The following USH2A variants were observed in gnomAD, a reference collection of about 807,000 sequenced individuals.
The protein encoded by USH2A is Usher syndrome 2A (autosomal recessive, mild).
In USH2A, 443 loss-of-function variants were observed where a neutral mutation model predicts 538.9. The ratio of observed to expected loss-of-function variants is 0.82; its 90% CI spans 0.76 to 0.89. The LOEUF (loss-of-function observed/expected upper bound fraction) is 0.89, where lower values mean the gene tolerates loss of function less well. USH2A is among the 40% of genes least tolerant of loss of function. The pLI is 0.00. For synonymous variants in USH2A, 2,413 were observed against 2,273.5 expected, an observed-to-expected ratio of 1.06 and a Z score of -1.75; for missense variants, 6,633 against 6,324.8, an observed-to-expected ratio of 1.05 and a Z score of -1.65.
intron 61 of USH2A, among the ~76,000 whole-genome samples, chr1:215,689,874 ACAAAAGG>A (rs1658547219): frequency 6.6e-6 from 1 of 152,250 alleles, no homozygotes; most frequent in Admixed American, 6.5e-5. Flanking sequence ...GAGACCTCGA[ACAAAAGG>A]CCTGAGACTC....
rs576699675 is a variant in USH2A at position 215,723,997 on chromosome 1, G to A, written c.12066+4033C>T. ...ATACCTGCATTCGTATGTGTATTAC[G>A]GCACTATTCACAATAGCAAAGATAT... On this transcript the variant is annotated intron_variant, in intron 61 of 71. Coordinates refer to ENST00000307340, the MANE Select transcript of USH2A (RefSeq NM_206933.4). Among the ~76,000 whole-genome samples, 38 of 152,098 alleles carry A rather than the reference G, an allele frequency of 2.5e-4. 1 individual carries two copies. The South Asian group carries it at 5.4e-3, about 22-fold the overall frequency.
At chr1:216,357,816 T>G (rs1267153853) in intron 4 of USH2A, among the ~76,000 whole-genome samples, 1 of 152,154 alleles carries the variant, frequency 6.6e-6, no homozygotes, top group Admixed American at 6.6e-5. Context: ...GTATGGTTTA[T>G]TACCACGATG....
chr1:215,763,051 T>C (rs1296017513), intron 56 of USH2A, among the ~76,000 whole-genome samples: 2 of 152,282 alleles, frequency 1.3e-5, no homozygotes, highest in Non-Finnish European at 2.9e-5. Flanking sequence ...TGAAATCTGG[T>C]GATAGGAACA....
rs966154968 is a variant in USH2A, at chr1:216,186,088, A to T, written c.4396+4135T>A. Among the ~76,000 whole-genome samples the T allele has an allele frequency of 1.3e-4, 20 of 152,022 alleles. 1 individual carries two copies. The highest frequency in any genetic ancestry group is 4.8e-4 in the African/African-American group (20 of 41,540). ...AAAATATATTAAGGAATTAGAAAAT[A>T]AACATTTTTTCCAGAAAAAAACAAA... On this transcript the variant is annotated intron_variant, in intron 20 of 71. Transcript: ENST00000307340.
intron 21 of USH2A, chr1:216,174,408 C>A (rs2034332317): frequency 1.0e-6 from 1 of 985,120 alleles, no homozygotes; most frequent in Middle Eastern, 5.2e-4. Context: ...AGCTGTAAGT[C>A]ACAGAGGTCA....
At chr1:215,840,743 G>T (rs951306746) in intron 46 of USH2A, among the ~76,000 whole-genome samples, 3 of 152,182 alleles carry the variant, frequency 2.0e-5, no homozygotes, top group Non-Finnish European at 2.9e-5. Context: ...TCGAGTCTTG[G>T]TAAAGCAAAT....
intron 33 of USH2A, 117 bp downstream of exon 33, chr1:216,000,286 A>G: frequency 7.2e-7 from 1 of 1,381,200 alleles, no homozygotes; most frequent in Non-Finnish European, 1.0e-6. Flanking sequence ...TGAACTAATC[A>G]CTTCTATGCA....
At chr1:216,384,272 C>A (rs1364860809) in intron 3 of USH2A, among the ~76,000 whole-genome samples, 1 of 151,154 alleles carries the variant, frequency 6.6e-6, no homozygotes, top group Non-Finnish European at 1.5e-5. Flanking sequence ...AAATGCAGAC[C>A]CCTTTATTTA....
chr1:216,334,798 A>T (rs75337700), intron 4 of USH2A, among the ~76,000 whole-genome samples: 2,995 of 152,024 alleles, frequency 0.02, 104 homozygotes, highest in African/African-American at 0.069. Context: ...GTCTAACAAC[A>T]GTAAAATGAC....
At chr1:216,323,784 A>T (rs948757094) in intron 7 of USH2A, 89 bp from the exon 8 acceptor site, 1 of 1,200,042 alleles carries the variant, frequency 8.3e-7, no homozygotes, top group Non-Finnish European at 1.2e-6. Flanking sequence ...ACTACACAGT[A>T]TCAATAAAAG....
chr1:216,337,236 T>C (rs2037991280), intron 4 of USH2A, among the ~76,000 whole-genome samples: 1 of 151,424 alleles, frequency 6.6e-6, no homozygotes, highest in African/African-American at 2.4e-5. Flanking sequence ...CTGTGTGCTT[T>C]ATGTATATTA....
chr1:215,974,178 C>T (rs868551486), intron 35 of USH2A, among the ~76,000 whole-genome samples: 18 of 151,946 alleles, frequency 1.2e-4, no homozygotes, highest in Non-Finnish European at 2.2e-4. Context: ...TTTTAATAAG[C>T]GGTAAGTCTA....
chr1:215,670,791 G>T (rs1222644735), intron 64 of USH2A, among the ~76,000 whole-genome samples, 181 bp downstream of exon 64: 2 of 152,012 alleles, frequency 1.3e-5, no homozygotes, highest in Non-Finnish European at 2.9e-5. Flanking sequence ...CCAAGAAAAT[G>T]AAAAAGGCAA....
intron 35 of USH2A, among the ~76,000 whole-genome samples, chr1:215,986,310 CTTTTT>C (rs34962559): frequency 6.2e-4 from 82 of 131,430 alleles, no homozygotes; most frequent in Middle Eastern, 4.1e-3. Flanking sequence ...TTTTCTTTTT[CTTTTT>C]TTTTTTTTTT....
At chr1:216,216,344 T>C (rs969933308) in intron 15 of USH2A, among the ~76,000 whole-genome samples, 1 of 152,068 alleles carries the variant, frequency 6.6e-6, no homozygotes, top group East Asian at 1.9e-4. Context: ...TATGAATACG[T>C]CTTCTTAATC....
rs373171233 is a variant in USH2A at position 215,934,658 on chromosome 1, T to C, written c.7258A>G (p.Ser2420Gly). 5 of 1,612,606 alleles carry C rather than the reference T, an allele frequency of 3.1e-6. No individual in the cohort carries two copies. Among genetic ancestry groups the C allele is most frequent in the African/African-American group, 1.3e-5 (1 of 74,838 alleles). ...VQVNISNSQG[S>G]LITDPITIAM... The stretch of plus-strand genomic sequence containing the variant: ...ATTGTTATAGGATCAGTTATCAAGC[T>C]GCCTTGGCTATTTGAAATATTCACT... The change falls in exon 38 of 72, where the codon AGC becomes GGC. Residue 2420 changes from serine (S) to glycine (G), a missense_variant. Ser to Gly is a moderately conservative substitution (Grantham distance 56, BLOSUM62 0). Coordinates refer to ENST00000307340, the MANE Select transcript of USH2A (RefSeq NM_206933.4).
chr1:216,362,939 C>CAA (rs199874021), intron 4 of USH2A, among the ~76,000 whole-genome samples: 6 of 134,052 alleles, frequency 4.5e-5, no homozygotes, highest in African/African-American at 1.7e-4. Flanking sequence ...AACTCCCTGT[C>CAA]AAAAAAAAAT....
intron 32 of USH2A, among the ~76,000 whole-genome samples, chr1:216,018,532 C>T (rs1668770489): frequency 6.6e-6 from 1 of 152,150 alleles, no homozygotes; most frequent in African/African-American, 2.4e-5. Context: ...GTCTGTTGTT[C>T]TCTTTATTGT....
chr1:215,783,211 C>A (rs1032314218), intron 52 of USH2A, among the ~76,000 whole-genome samples: 1 of 152,060 alleles, frequency 6.6e-6, no homozygotes, highest in African/African-American at 2.4e-5. Flanking sequence ...AATAAAAGCA[C>A]TGGAATCATG....
Sources: gnomAD v4.1 joint callset for allele counts (sites outside exome capture counted in the v4.1 genomes callset) on GRCh38, gnomAD v4.1.1 for gene constraint, MANE v1.5 for transcripts, NCBI Gene and HGNC (gene_info 2026-07-23, HGNC 2026-07-21) for gene names.